Variants in PDSS2 observed in about 807,000 individuals in gnomAD.
PDSS2 encodes the protein all trans-polyprenyl-diphosphate synthase PDSS2.
A neutral mutation model predicts 44.5 loss-of-function variants in PDSS2; 31 were observed. The observed-to-expected ratio is 0.70, with a 90% confidence interval of 0.52 to 0.94. The LOEUF (loss-of-function observed/expected upper bound fraction) is 0.94. Among genes scored for constraint, PDSS2 ranks in the 40% least tolerant of loss-of-function variants. The pLI is 0.00. For synonymous variants in PDSS2, 157 were observed against 180.3 expected, an observed-to-expected ratio of 0.87 and a Z score of 1.03; for missense variants, 452 against 482.2, an observed-to-expected ratio of 0.94 and a Z score of 0.59.
chr6:107,379,667 T>C (rs775084401), intron 1 of PDSS2, among the ~76,000 whole-genome samples: 3 of 152,216 alleles, frequency 2.0e-5, no homozygotes, highest in Non-Finnish European at 2.9e-5. Context: ...CATCTTTAGT[T>C]CTACTTTGGT....
chr6:107,279,651 A>T (rs1220035738), intron 2 of PDSS2, among the ~76,000 whole-genome samples: 5 of 152,228 alleles, frequency 3.3e-5, no homozygotes, highest in South Asian at 4.2e-4. Flanking sequence ...GGATTTTTTT[A>T]AAAAAAGAGT....
At chr6:107,173,143 G>GAGTAACTT (rs1351332303) in intron 7 of PDSS2, among the ~76,000 whole-genome samples, 1 of 147,946 alleles carries the variant, frequency 6.8e-6, no homozygotes, top group Non-Finnish European at 1.5e-5. Context: ...AAAAAAGATA[G>GAGTAACTT]AGTAACTTTG....
intron 1 of PDSS2, among the ~76,000 whole-genome samples, chr6:107,338,345 C>T (rs1777970779): frequency 6.6e-6 from 1 of 152,108 alleles, no homozygotes; most frequent in South Asian, 2.1e-4. Context: ...AATCACATAC[C>T]ACCACATCTA....
chr6:107,402,451 C>CATATATATACGTATATATATGTAT (rs1562515999), intron 1 of PDSS2, among the ~76,000 whole-genome samples: 73 of 8,054 alleles, frequency 9.1e-3, no homozygotes, highest in Middle Eastern at 0.17. Context: ...CACACACACA[C>CATATATATACGTATATATATGTAT]ACATATATAT....
chr6:107,336,862 G>A lies in PDSS2; in HGVS notation c.297-2530C>T, dbSNP rs1054114923. Among the ~76,000 whole-genome samples the A allele has an allele frequency of 3.7e-3, 534 of 145,426 alleles. 7 individuals carry two copies. The highest frequency in any genetic ancestry group is 0.014 in the African/African-American group (516 of 37,862). Reference sequence around the variant, plus strand: ...TGTGTGTGTGTGTGTGTGTGTGTGTGTGTGTGTGTGTGTGTGTGTTCGGGG... The same window carrying A: ...TGTGTGTGTGTGTGTGTGTGTGTGTATGTGTGTGTGTGTGTGTGTTCGGGG... On this transcript the variant is annotated intron_variant, in intron 1 of 7. Transcript: ENST00000369037.
intron 1 of PDSS2, among the ~76,000 whole-genome samples, chr6:107,409,034 C>T (rs1344458759): frequency 6.6e-6 from 1 of 152,180 alleles, no homozygotes; most frequent in African/African-American, 2.4e-5. Flanking sequence ...TTAATATCTA[C>T]TTAACATATA....
In PDSS2 at chr6:107,219,390, C is replaced by T. The variant is rs1335250968; in HGVS notation, c.703-7108G>A. ...GCAACCTCCGCCTCCCAGGTTCAAG[C>T]AATTCTCCTGCCTCAGCCTCCCGAG... On this transcript the variant is annotated intron_variant, in intron 4 of 7. Coordinates refer to ENST00000369037, the MANE Select transcript of PDSS2 (RefSeq NM_020381.4). Among the ~76,000 whole-genome samples, 11 of 152,130 alleles carry T rather than the reference C, an allele frequency of 7.2e-5. No homozygotes were observed. In the East Asian group the frequency reaches 1.6e-3, roughly 22 times the overall value.
chr6:107,218,069 A>C (rs1304545176), intron 4 of PDSS2, among the ~76,000 whole-genome samples: 1 of 152,156 alleles, frequency 6.6e-6, no homozygotes, highest in Non-Finnish European at 1.5e-5. Context: ...AATATGTAAC[A>C]TTTCTCCTTT....
chr6:107,157,823 AC>A (rs1770962290), intron 7 of PDSS2, among the ~76,000 whole-genome samples: 2 of 151,924 alleles, frequency 1.3e-5, no homozygotes. Context: ...GGCACCCGCC[AC>A]CACGCCTGGC....
At chr6:107,441,219 T>C (rs141506533) in intron 1 of PDSS2, among the ~76,000 whole-genome samples, 23 of 152,292 alleles carry the variant, frequency 1.5e-4, no homozygotes, top group African/African-American at 5.1e-4. Context: ...AAGGGTAGAC[T>C]CCTCTCTTTG....
intron 1 of PDSS2, among the ~76,000 whole-genome samples, chr6:107,434,143 T>C (rs1253300102): frequency 1.3e-5 from 2 of 152,222 alleles, no homozygotes; most frequent in Non-Finnish European, 1.5e-5. Context: ...AGGACTCTCA[T>C]ACACGACTAG....
intron 1 of PDSS2, among the ~76,000 whole-genome samples, chr6:107,358,174 A>G (rs1188505960): frequency 6.6e-6 from 1 of 152,210 alleles, no homozygotes; most frequent in Non-Finnish European, 1.5e-5. Context: ...ATACTATGTG[A>G]AATTACCTTC....
intron 1 of PDSS2, among the ~76,000 whole-genome samples, chr6:107,424,036 CTTTTTTTT>C (rs56318621): frequency 2.2e-5 from 2 of 90,594 alleles, no homozygotes; most frequent in Admixed American, 1.3e-4. Flanking sequence ...TATCTTGCAT[CTTTTTTTT>C]TTTTTTTTTT....
chr6:107,453,340 T>C (rs780112487), intron 1 of PDSS2, among the ~76,000 whole-genome samples: 5 of 152,250 alleles, frequency 3.3e-5, no homozygotes, highest in African/African-American at 4.8e-5. Flanking sequence ...TAAGTGGACA[T>C]TGATTTCACA....
At chr6:107,389,141 T>A (rs1388543971) in intron 1 of PDSS2, among the ~76,000 whole-genome samples, 1 of 152,182 alleles carries the variant, frequency 6.6e-6, no homozygotes, top group Non-Finnish European at 1.5e-5. Context: ...TTTTGTATAG[T>A]ACTGGGGTAG....
chr6:107,336,434 C>T (rs1777895683), intron 1 of PDSS2, among the ~76,000 whole-genome samples: 1 of 151,988 alleles, frequency 6.6e-6, no homozygotes, highest in South Asian at 2.1e-4. Context: ...AGTAGGCAAT[C>T]TTCATCAAGA....
intron 1 of PDSS2, among the ~76,000 whole-genome samples, chr6:107,410,635 G>T (rs1054571195): frequency 2.6e-5 from 4 of 151,798 alleles, no homozygotes; most frequent in Non-Finnish European, 2.9e-5. Flanking sequence ...TTACAGGCAC[G>T]TGCCACCACG....
chr6:107,290,122 C>A (rs1776294987), intron 2 of PDSS2, among the ~76,000 whole-genome samples: 1 of 152,188 alleles, frequency 6.6e-6, no homozygotes, highest in African/African-American at 2.4e-5. Context: ...GACACCTATT[C>A]TGTTAAAACA....
chr6:107,235,870 C>T (rs1216126398), intron 4 of PDSS2, among the ~76,000 whole-genome samples: 1 of 152,110 alleles, frequency 6.6e-6, no homozygotes, highest in Non-Finnish European at 1.5e-5. Flanking sequence ...GTAAACTGGT[C>T]TGCTTGAATG....
Sources: gnomAD v4.1 joint callset for allele counts (sites outside exome capture counted in the v4.1 genomes callset) on GRCh38, gnomAD v4.1.1 for gene constraint, MANE v1.5 for transcripts, NCBI Gene and HGNC (gene_info 2026-07-23, HGNC 2026-07-21) for gene names.